The following TSPAN7 variants were observed in gnomAD, a reference collection of about 807,000 sequenced individuals.
TSPAN7 encodes the protein tetraspanin-7.
In TSPAN7, 1 loss-of-function variant was observed where a neutral mutation model predicts 17.6. The observed-to-expected ratio is 0.06, with a 90% CI of 0.02 to 0.27. TSPAN7 has a LOEUF of 0.27. Ranked by LOEUF, TSPAN7 falls within the 10% of genes least tolerant of loss-of-function variation. The probability of loss-of-function intolerance (pLI) is 1.00; values close to 1 mark genes in which losing one functional copy is unlikely to be tolerated. For missense variants in TSPAN7, 112 were observed against 201.7 expected (o/e 0.56, Z 2.69); for synonymous variants, 78 against 79.0 (o/e 0.99, Z 0.07).
intron 1 of TSPAN7, among the ~76,000 whole-genome samples, chrX:38,603,691 G>C (rs996289982): frequency 1.8e-5 from 2 of 111,069 alleles, no homozygotes; most frequent in East Asian, 2.8e-4. Flanking sequence ...CAAATCTGTA[G>C]AGCCAGAAAG....
chrX:38,643,300 G>C (rs1352086905), intron 1 of TSPAN7, among the ~76,000 whole-genome samples: 1 of 110,014 alleles, frequency 9.1e-6, no homozygotes, highest in South Asian at 4.0e-4. Context: ...ATATAAAAAA[G>C]GATGTGTAAA....
intron 1 of TSPAN7, among the ~76,000 whole-genome samples, chrX:38,591,504 T>C (rs2069291651): frequency 8.9e-6 from 1 of 111,910 alleles, no homozygotes. Context: ...TATTCTACTG[T>C]TGTTGGGTGG....
At chrX:38,584,044 C>T (rs1395438175) in intron 1 of TSPAN7, among the ~76,000 whole-genome samples, 4 of 103,543 alleles carry the variant, frequency 3.9e-5, no homozygotes, top group African/African-American at 1.4e-4. Flanking sequence ...AGCTCCACCT[C>T]CCGGATTCAT....
intron 1 of TSPAN7, among the ~76,000 whole-genome samples, chrX:38,585,550 A>G (rs780310861): frequency 2.1e-4 from 24 of 111,970 alleles, no homozygotes; most frequent in South Asian, 7.3e-4. Context: ...TAATATGTAT[A>G]AAATATTTGT....
At chrX:38,675,450 C>T (rs954366553) in intron 4 of TSPAN7, among the ~76,000 whole-genome samples, 5 of 112,000 alleles carry the variant, frequency 4.5e-5, no homozygotes, top group Non-Finnish European at 9.4e-5. Context: ...TGGACACAGA[C>T]GCACTGCTTT....
At chrX:38,597,721 A>AAAC (rs1315540372) in intron 1 of TSPAN7, among the ~76,000 whole-genome samples, 1 of 111,520 alleles carries the variant, frequency 9.0e-6, no homozygotes, top group African/African-American at 3.3e-5. Flanking sequence ...ATAAAACATA[A>AAAC]GTGCTGTGAA....
chrX:38,670,171 A>G (rs2069811100), intron 2 of TSPAN7, among the ~76,000 whole-genome samples: 1 of 112,135 alleles, frequency 8.9e-6, no homozygotes, highest in African/African-American at 3.2e-5. Flanking sequence ...ACATGTGTAT[A>G]CTTTACAGGT....
At chrX:38,588,327 C>G (rs989936480) in intron 1 of TSPAN7, among the ~76,000 whole-genome samples, 2 of 111,179 alleles carry the variant, frequency 1.8e-5, no homozygotes, top group African/African-American at 6.5e-5. Context: ...CACTGGAGCA[C>G]TGAAACATTT....
At chrX:38,659,734 T>G (rs979333570) in intron 1 of TSPAN7, among the ~76,000 whole-genome samples, 3 of 108,023 alleles carry the variant, frequency 2.8e-5, no homozygotes, top group African/African-American at 1.0e-4. Flanking sequence ...TGGGCTCAAG[T>G]GATCCTCCTG....
intron 1 of TSPAN7, among the ~76,000 whole-genome samples, chrX:38,605,518 T>A (rs1300756530): frequency 9.3e-6 from 1 of 107,899 alleles, no homozygotes. Flanking sequence ...GCCATCCCCA[T>A]CAAGCTACCA....
intron 1 of TSPAN7, among the ~76,000 whole-genome samples, chrX:38,601,753 T>C (rs992881996): frequency 7.2e-5 from 8 of 111,801 alleles, no homozygotes; most frequent in African/African-American, 2.6e-4. Flanking sequence ...TTGTTCACAA[T>C]TAGGCAAGTT....
chrX:38,599,822 T>C (rs767098355), intron 1 of TSPAN7, among the ~76,000 whole-genome samples: 13 of 112,174 alleles, frequency 1.2e-4, no homozygotes, highest in Admixed American at 5.7e-4. Context: ...CCTTCCAATT[T>C]TGTGAGAAAT....
intron 1 of TSPAN7, among the ~76,000 whole-genome samples, chrX:38,565,221 C>CTTGT (rs746312664): frequency 0.015 from 1,632 of 111,082 alleles, 12 homozygotes; most frequent in Middle Eastern, 0.033. Flanking sequence ...CCTTACTGGT[C>CTTGT]TTGTTTGTTT....
At chrX:38,682,981 G>A (rs909521534) in intron 6 of TSPAN7, among the ~76,000 whole-genome samples, 1 of 111,553 alleles carries the variant, frequency 9.0e-6, no homozygotes, top group Non-Finnish European at 1.9e-5. Context: ...AGGGCGTCTT[G>A]TGTTTGGCAT....
chrX:38,682,517 A>C (rs2069899454), intron 6 of TSPAN7, among the ~76,000 whole-genome samples: 1 of 112,848 alleles, frequency 8.9e-6, no homozygotes, highest in Non-Finnish European at 1.9e-5. Flanking sequence ...TTAGAGAAGT[A>C]GAAGAGCTTT....
chrX:38,679,112 A>G (rs1569316464), intron 5 of TSPAN7, among the ~76,000 whole-genome samples: 1 of 112,424 alleles, frequency 8.9e-6, no homozygotes, highest in Non-Finnish European at 1.9e-5. Context: ...GAGTGGCCTT[A>G]CCAAAAATAA....
At chrX:38,657,049 G>A (rs929278555) in intron 1 of TSPAN7, among the ~76,000 whole-genome samples, 4 of 111,761 alleles carry the variant, frequency 3.6e-5, no homozygotes, top group Non-Finnish European at 7.5e-5. Flanking sequence ...TAAGGGAGAA[G>A]AAACCTAAGT....
intron 1 of TSPAN7, among the ~76,000 whole-genome samples, chrX:38,626,563 A>G (rs985681672): frequency 2.7e-5 from 3 of 111,239 alleles, no homozygotes; most frequent in Admixed American, 1.9e-4. Context: ...TGTTGGGTGT[A>G]GGAGAAAGGG....
At chrX:38,620,944 A>G (rs960948655) in intron 1 of TSPAN7, among the ~76,000 whole-genome samples, 14 of 112,352 alleles carry the variant, frequency 1.2e-4, no homozygotes, top group Admixed American at 1.9e-4. Context: ...AGCCCAGTAA[A>G]TATGTACTTA....
Sources: gnomAD v4.1 joint callset for allele counts (sites outside exome capture counted in the v4.1 genomes callset) on GRCh38, gnomAD v4.1.1 for gene constraint, MANE v1.5 for transcripts, NCBI Gene and HGNC (gene_info 2026-07-23, HGNC 2026-07-21) for gene names.